Variants in RNLS observed in about 807,000 individuals in gnomAD.
RNLS encodes the protein renalase.
RNLS carries 39 observed loss-of-function variants against 39.8 expected under a neutral mutation model. That is an observed-to-expected ratio of 0.98 (90% CI 0.76 to 1.28). The LOEUF (loss-of-function observed/expected upper bound fraction) is 1.28. Among genes scored for constraint, RNLS ranks in the 50% most tolerant of loss-of-function variants. The probability of loss-of-function intolerance (pLI) is 0.00; values close to 1 mark genes in which losing one functional copy is unlikely to be tolerated. For missense variants in RNLS, 410 were observed against 413.3 expected, an observed-to-expected ratio of 0.99 and a Z score of 0.07; for synonymous variants, 147 against 150.7, an observed-to-expected ratio of 0.98 and a Z score of 0.18.
chr10:88,206,409 T>G, the RNLS span, among the ~76,000 whole-genome samples: 1 of 152,146 alleles, frequency 6.6e-6, no homozygotes, highest in Non-Finnish European at 1.5e-5. Context: ...GGGCCAGAAT[T>G]TTGTCTCTTT....
At chr10:88,212,053 C>T in the RNLS span, among the ~76,000 whole-genome samples, 1 of 152,176 alleles carries the variant, frequency 6.6e-6, no homozygotes, top group Non-Finnish European at 1.5e-5. Flanking sequence ...ATTTCCCTGC[C>T]AGGCAAACCT....
chr10:88,366,046 T>C (rs1850074360), intron 4 of RNLS, among the ~76,000 whole-genome samples: 1 of 152,096 alleles, frequency 6.6e-6, no homozygotes, highest in African/African-American at 2.4e-5. Context: ...AGCAGAAAGA[T>C]AAAGTCCCTG....
intron 5 of RNLS, among the ~76,000 whole-genome samples, chr10:88,322,521 G>A (rs1564693458): frequency 6.6e-6 from 1 of 152,134 alleles, no homozygotes; most frequent in Non-Finnish European, 1.5e-5. Flanking sequence ...AGTGTTTGAC[G>A]GTTCCTCCTT....
the RNLS span, among the ~76,000 whole-genome samples, chr10:88,246,565 C>T: frequency 1.1e-4 from 17 of 150,918 alleles, no homozygotes; most frequent in African/African-American, 1.5e-4. Context: ...TTTTTTAATG[C>T]GTCCAGTGTG....
intron 4 of RNLS, among the ~76,000 whole-genome samples, chr10:88,555,610 C>T (rs747201750): frequency 1.3e-5 from 2 of 152,042 alleles, no homozygotes; most frequent in Non-Finnish European, 2.9e-5. Flanking sequence ...GTATAGCCCG[C>T]AGAACTGTTA....
intron 6 of RNLS, among the ~76,000 whole-genome samples, chr10:88,307,298 A>G (rs1434418254): frequency 6.6e-6 from 1 of 152,214 alleles, no homozygotes; most frequent in Non-Finnish European, 1.5e-5. Context: ...CCTATTCAAC[A>G]TAATATTGGA....
intron 4 of RNLS, among the ~76,000 whole-genome samples, chr10:88,532,454 G>A (rs981963019): frequency 6.6e-6 from 1 of 151,944 alleles, no homozygotes; most frequent in Non-Finnish European, 1.5e-5. Context: ...TGTTTCTAAT[G>A]ATGAAATGTA....
intron 4 of RNLS, among the ~76,000 whole-genome samples, chr10:88,425,766 G>T (rs536260795): frequency 7.9e-5 from 12 of 152,150 alleles, no homozygotes; most frequent in African/African-American, 2.6e-4. Context: ...AAGGTGAAAT[G>T]ACTTACACTT....
intron 4 of RNLS, among the ~76,000 whole-genome samples, chr10:88,531,787 G>C (rs1847439945): frequency 6.6e-6 from 1 of 152,042 alleles, no homozygotes; most frequent in Non-Finnish European, 1.5e-5. Context: ...ATATTACGTA[G>C]ATTGACATTA....
chr10:88,389,997 C>T (rs1185662696), intron 4 of RNLS, among the ~76,000 whole-genome samples: 1 of 152,156 alleles, frequency 6.6e-6, no homozygotes, highest in Non-Finnish European at 1.5e-5. Context: ...ACAGCATTTG[C>T]AACAATATTC....
At chr10:88,531,723 C>G (rs1439619062) in intron 4 of RNLS, among the ~76,000 whole-genome samples, 1 of 152,006 alleles carries the variant, frequency 6.6e-6, no homozygotes, top group African/African-American at 2.4e-5. Context: ...TTCCACTATC[C>G]CAGTGATAGT....
At chr10:88,428,766 T>A (rs1854966605) in intron 4 of RNLS, among the ~76,000 whole-genome samples, 1 of 151,954 alleles carries the variant, frequency 6.6e-6, no homozygotes. Context: ...GAATATCAGA[T>A]CAGATCCTAC....
intron 4 of RNLS, among the ~76,000 whole-genome samples, chr10:88,389,946 A>G (rs566609349): frequency 1.3e-5 from 2 of 152,340 alleles, no homozygotes; most frequent in South Asian, 2.1e-4. Flanking sequence ...CTGACTAATT[A>G]GGTATTATAT....
chr10:88,377,037 T>C (rs559054217), intron 4 of RNLS, among the ~76,000 whole-genome samples: 1 of 110,600 alleles, frequency 9.0e-6, no homozygotes, highest in South Asian at 2.7e-4. Flanking sequence ...AATTATTTTA[T>C]ATGGGAAAAT....
chr10:88,476,068 G>A (rs1292463029), intron 4 of RNLS, among the ~76,000 whole-genome samples: 1 of 152,092 alleles, frequency 6.6e-6, no homozygotes, highest in Non-Finnish European at 1.5e-5. Flanking sequence ...GGTTCACAAT[G>A]CAGATCCTGG....
chr10:88,368,470 A>C (rs1313555357), intron 4 of RNLS, among the ~76,000 whole-genome samples: 1 of 152,154 alleles, frequency 6.6e-6, no homozygotes, highest in Non-Finnish European at 1.5e-5. Context: ...AAGGATATAA[A>C]GAGGGAAAAT....
At chr10:88,426,831 G>C (rs545439125) in intron 4 of RNLS, among the ~76,000 whole-genome samples, 4 of 151,932 alleles carry the variant, frequency 2.6e-5, no homozygotes, top group African/African-American at 4.8e-5. Context: ...AAGATCCTAG[G>C]GGGTAACAGT....
intron 4 of RNLS, among the ~76,000 whole-genome samples, chr10:88,388,849 C>T (rs557912403): frequency 3.3e-5 from 5 of 152,142 alleles, no homozygotes; most frequent in African/African-American, 4.8e-5. Flanking sequence ...GAGCTTACAA[C>T]GTGGTACACA....
intron 4 of RNLS, among the ~76,000 whole-genome samples, chr10:88,391,727 G>C: frequency 6.6e-6 from 1 of 152,196 alleles, no homozygotes; most frequent in South Asian, 2.1e-4. Context: ...TAAAAATACT[G>C]GCAAAAATTG....
Sources: allele counts gnomAD v4.1 joint callset (sites outside exome capture counted in the v4.1 genomes callset), GRCh38; gene constraint gnomAD v4.1.1; transcripts MANE v1.5; gene names NCBI Gene and HGNC (gene_info 2026-07-23, HGNC 2026-07-21).